The following SRGAP3 variants were observed in gnomAD, a reference collection of about 807,000 sequenced individuals.
SRGAP3 encodes the protein SLIT-ROBO Rho GTPase activating protein 3.
Under a neutral mutation model 121.1 loss-of-function variants are expected in SRGAP3, and 39 were observed. That is an observed-to-expected ratio of 0.32 (90% CI 0.25 to 0.42). The LOEUF (loss-of-function observed/expected upper bound fraction) is 0.42, where lower values mean the gene tolerates loss of function less well. Among genes scored for constraint, SRGAP3 ranks in the 10% least tolerant of loss-of-function variants. The pLI, the probability that SRGAP3 is intolerant of heterozygous loss-of-function variation, is 1.00. For synonymous variants in SRGAP3, 601 were observed against 570.0 expected (o/e 1.05, Z -0.77); for missense variants, 1,213 against 1,470.6 (o/e 0.82, Z 2.86).
chr3:9,074,008 A>AT (rs1204276359), intron 4 of SRGAP3, among the ~76,000 whole-genome samples: 1 of 152,096 alleles, frequency 6.6e-6, no homozygotes, highest in Non-Finnish European at 1.5e-5. Flanking sequence ...TTACTGTCTT[A>AT]TTTTTTTAAC....
intron 15 of SRGAP3, 134 bp downstream of exon 15, chr3:9,015,463 G>A: frequency 8.5e-7 from 1 of 1,179,134 alleles, no homozygotes; most frequent in Non-Finnish European, 1.2e-6. Flanking sequence ...TCCGCTTTCA[G>A]TTCTACGAGG....
At chr3:9,359,007 C>T (rs2030661313) in intron 1 of SRGAP3, among the ~76,000 whole-genome samples, 1 of 152,158 alleles carries the variant, frequency 6.6e-6, no homozygotes, top group Admixed American at 6.5e-5. Context: ...CAATGGGGTT[C>T]AGAAGCTTAA....
At chr3:9,296,046 G>C (rs1279139931) in intron 3 of SRGAP3, among the ~76,000 whole-genome samples, 1 of 152,156 alleles carries the variant, frequency 6.6e-6, no homozygotes, top group Non-Finnish European at 1.5e-5. Flanking sequence ...TCCACTGATG[G>C]ATGTCTGGTG....
At chr3:9,257,109 CT>C in intron 3 of SRGAP3, 1 of 363,984 alleles carries the variant, frequency 2.7e-6, no homozygotes, top group Non-Finnish European at 4.9e-6. Context: ...TATATTGCCC[CT>C]ATGAAAGCCC....
intron 14 of SRGAP3, among the ~76,000 whole-genome samples, chr3:9,024,340 A>G (rs1944079854): frequency 6.6e-6 from 1 of 152,182 alleles, no homozygotes; most frequent in Non-Finnish European, 1.5e-5. Flanking sequence ...CTCCCCTGGG[A>G]TGAGGTTATG....
chr3:9,348,958 G>C, intron 1 of SRGAP3: 1 of 932,106 alleles, frequency 1.1e-6, no homozygotes, highest in Non-Finnish European at 1.8e-6. Flanking sequence ...TAGTTCCCCA[G>C]ATCAAGGAGG....
intron 8 of SRGAP3, among the ~76,000 whole-genome samples, chr3:9,054,897 T>A: frequency 6.6e-6 from 1 of 152,336 alleles, no homozygotes; most frequent in South Asian, 2.1e-4. Context: ...TAACGCAGCA[T>A]GACAGGAAGC....
intron 10 of SRGAP3, among the ~76,000 whole-genome samples, chr3:9,038,486 C>T (rs1473848648): frequency 6.6e-6 from 1 of 152,218 alleles, no homozygotes; most frequent in Non-Finnish European, 1.5e-5. Context: ...CTGGTGATCA[C>T]TTCTATGCCT....
rs866271213 is a variant in SRGAP3 at position 9,286,449 on chromosome 3, C to T, written n.442+39561G>A. Reference sequence around the variant, plus strand: ...GCTGAGGTGGGAGGATCACTTGAGACCAGGAGTTCCAGACCAGCCTGGGCA... The same window carrying T: ...GCTGAGGTGGGAGGATCACTTGAGATCAGGAGTTCCAGACCAGCCTGGGCA... On this transcript the variant is annotated intron_variant and non_coding_transcript_variant, in intron 3 of 3. Transcript: ENST00000490889. 4.6e-5 allele frequency among the ~76,000 whole-genome samples: 7 copies of T among 151,622 alleles called. No homozygotes were observed. The East Asian group carries it at 1.2e-3, about 25-fold the overall frequency.
intron 9 of SRGAP3, among the ~76,000 whole-genome samples, chr3:9,050,622 T>C (rs1945519393): frequency 6.6e-6 from 1 of 152,238 alleles, no homozygotes; most frequent in African/African-American, 2.4e-5. Context: ...AACTATAACA[T>C]CTGATGACCA....
At chr3:9,108,310 C>A (rs1948489249) in intron 2 of SRGAP3, among the ~76,000 whole-genome samples, 1 of 152,174 alleles carries the variant, frequency 6.6e-6, no homozygotes, top group Admixed American at 6.5e-5. Context: ...TTCTAATGTG[C>A]AGCCAGGGTT....
At chr3:9,340,661 T>G (rs979243129) in intron 1 of SRGAP3, among the ~76,000 whole-genome samples, 8 of 149,452 alleles carry the variant, frequency 5.4e-5, no homozygotes. Flanking sequence ...CAACATCCAG[T>G]AGTTTTTTTA....
intron 1 of SRGAP3, among the ~76,000 whole-genome samples, chr3:9,176,280 T>C (rs754268639): frequency 6.6e-6 from 1 of 152,164 alleles, no homozygotes; most frequent in African/African-American, 2.4e-5. Context: ...AGGGTGATGA[T>C]GGCATCTGTC....
At chr3:9,050,346 G>A (rs1945507396) in intron 9 of SRGAP3, among the ~76,000 whole-genome samples, 1 of 152,310 alleles carries the variant, frequency 6.6e-6, no homozygotes, top group African/African-American at 2.4e-5. Context: ...AGTTGAAGAT[G>A]TAATCCCAAA....
intron 18 of SRGAP3, among the ~76,000 whole-genome samples, chr3:8,998,047 A>G (rs562268476): frequency 7.9e-5 from 12 of 152,188 alleles, no homozygotes; most frequent in African/African-American, 2.9e-4. Flanking sequence ...ATGCCCAGCT[A>G]ATTTTTTAAG....
intron 4 of SRGAP3, among the ~76,000 whole-genome samples, chr3:9,076,789 G>A (rs1384592616): frequency 6.7e-6 from 1 of 149,068 alleles, no homozygotes; most frequent in Non-Finnish European, 1.5e-5. Flanking sequence ...CTATGTGTGT[G>A]CATGGTTGGC....
chr3:9,054,796 T>C (rs1341479153), intron 8 of SRGAP3, among the ~76,000 whole-genome samples: 1 of 152,218 alleles, frequency 6.6e-6, no homozygotes, highest in Non-Finnish European at 1.5e-5. Flanking sequence ...CACTTTACTC[T>C]ATATCTAGAA....
chr3:9,269,974 T>G (rs1350475817), intron 3 of SRGAP3, among the ~76,000 whole-genome samples: 3 of 152,098 alleles, frequency 2.0e-5, no homozygotes, highest in African/African-American at 7.2e-5. Flanking sequence ...CAAATACTGA[T>G]GTGTCAGGAA....
intron 1 of SRGAP3, among the ~76,000 whole-genome samples, chr3:9,185,798 A>C (rs1951578092): frequency 6.6e-6 from 1 of 152,064 alleles, no homozygotes; most frequent in African/African-American, 2.4e-5. Context: ...CGGCTTCCCA[A>C]AGTGCTGTGA....
Sources: allele counts gnomAD v4.1 joint callset (sites outside exome capture counted in the v4.1 genomes callset), GRCh38; gene constraint gnomAD v4.1.1; transcripts MANE v1.5; gene names NCBI Gene and HGNC (gene_info 2026-07-23, HGNC 2026-07-21).